The following CDH13 variants were observed in gnomAD, a reference collection of about 807,000 sequenced individuals.
CDH13 encodes cadherin 13, also known as cadherin-13.
Under a neutral mutation model 63.8 loss-of-function variants are expected in CDH13, and 24 were observed. The observed-to-expected ratio is 0.38, with a 90% CI of 0.27 to 0.53. The LOEUF is 0.53. CDH13 is among the 20% of genes least tolerant of loss of function. The pLI is 0.85. For missense variants in CDH13, 1,049 were observed against 903.1 expected (o/e 1.16, Z -2.07); for synonymous variants, 503 against 355.3 (o/e 1.42, Z -4.67).
chr16:83,554,359 A>G (rs1037086423), intron 7 of CDH13, among the ~76,000 whole-genome samples: 2 of 152,196 alleles, frequency 1.3e-5, no homozygotes, highest in Non-Finnish European at 2.9e-5. Context: ...ATAGGAAAAC[A>G]AAACATTTCA....
At chr16:82,946,642 AAC>A (rs1472052442) in intron 2 of CDH13, among the ~76,000 whole-genome samples, 89 of 152,186 alleles carry the variant, frequency 5.8e-4, no homozygotes, top group South Asian at 1.7e-3. Flanking sequence ...AATTGCTTGA[AAC>A]CAGGAGGTGG....
At chr16:83,068,291 A>T (rs74030395) in intron 3 of CDH13, among the ~76,000 whole-genome samples, 176 of 152,294 alleles carry the variant, frequency 1.2e-3, no homozygotes, top group African/African-American at 4.1e-3. Flanking sequence ...TTGCCATATA[A>T]CTTTCATCCC....
At chr16:83,382,451 C>G (rs2091586290) in intron 6 of CDH13, among the ~76,000 whole-genome samples, 1 of 152,140 alleles carries the variant, frequency 6.6e-6, no homozygotes, top group African/African-American at 2.4e-5. Flanking sequence ...TGATCCCCAG[C>G]TATTCACATT....
chr16:82,654,094 G>C (rs1269288462), intron 1 of CDH13, among the ~76,000 whole-genome samples: 2 of 152,154 alleles, frequency 1.3e-5, no homozygotes, highest in Non-Finnish European at 2.9e-5. Context: ...ATTCTCATTA[G>C]TCATTGCAAA....
intron 3 of CDH13, among the ~76,000 whole-genome samples, chr16:83,102,234 A>G (rs917903699): frequency 1.2e-4 from 19 of 152,242 alleles, no homozygotes; most frequent in Non-Finnish European, 2.4e-4. Context: ...TAGCACAGGA[A>G]GGTCTGTTTG....
At chr16:83,104,619 G>A (rs563470283) in intron 3 of CDH13, among the ~76,000 whole-genome samples, 5 of 151,908 alleles carry the variant, frequency 3.3e-5, no homozygotes, top group African/African-American at 9.7e-5. Flanking sequence ...TGTACCAGGC[G>A]GTGGCGGGGG....
At chr16:83,455,330 T>C (rs1434488756) in intron 6 of CDH13, among the ~76,000 whole-genome samples, 2 of 152,154 alleles carry the variant, frequency 1.3e-5, no homozygotes, top group Non-Finnish European at 2.9e-5. Flanking sequence ...ATTCAACCAA[T>C]GACAGCTGTT....
chr16:83,363,913 T>TG (rs761543262), intron 6 of CDH13, among the ~76,000 whole-genome samples: 4 of 152,132 alleles, frequency 2.6e-5, no homozygotes, highest in Non-Finnish European at 5.9e-5. Flanking sequence ...CTTGTGACCT[T>TG]GGGAGTGTAA....
rs768717749 is a variant in CDH13 at position 83,779,405 on chromosome 16, TC to T, written c.1682-562del. ...CCGGGCGACAGCGCGAGACTCCATC[TC>T]AAAAAAAAAAAAAAAAAAAAAAAAA... is the stretch of plus-strand genomic sequence containing the variant. On this transcript the variant is annotated intron_variant, in intron 11 of 13. Transcript: ENST00000567109. 3.2e-3 allele frequency among the ~76,000 whole-genome samples: 217 copies of T among 67,764 alleles called. 38 individuals are homozygous for T. The highest frequency in any genetic ancestry group is 8.2e-3 in the African/African-American group (130 of 15,948). The allele number at this position is 67,764 out of a possible 152,430, so 44.5% of individuals were successfully genotyped here.
At chr16:83,198,156 A>C (rs74031463) in intron 4 of CDH13, among the ~76,000 whole-genome samples, 2 of 152,134 alleles carry the variant, frequency 1.3e-5, no homozygotes, top group Non-Finnish European at 2.9e-5. Context: ...CCTAGTGAGC[A>C]TGTGTTAGTT....
chr16:83,555,217 C>A (rs915474962), intron 7 of CDH13, among the ~76,000 whole-genome samples: 1 of 152,122 alleles, frequency 6.6e-6, no homozygotes, highest in East Asian at 1.9e-4. Flanking sequence ...TTTATGGAGA[C>A]CATGGTTTGT....
chr16:83,551,498 G>GT (rs1490422490), intron 7 of CDH13, among the ~76,000 whole-genome samples: 2 of 152,188 alleles, frequency 1.3e-5, no homozygotes, highest in Non-Finnish European at 2.9e-5. Context: ...CCAGCCTTGG[G>GT]TTAACTTCAT....
At chr16:83,335,590 A>T (rs2090575329) in intron 5 of CDH13, among the ~76,000 whole-genome samples, 1 of 152,108 alleles carries the variant, frequency 6.6e-6, no homozygotes, top group Non-Finnish European at 1.5e-5. Context: ...GAAAAAGTAA[A>T]AACTAAAAGG....
chr16:82,973,918 A>G (rs1254609063), intron 2 of CDH13, among the ~76,000 whole-genome samples: 1 of 151,878 alleles, frequency 6.6e-6, no homozygotes, highest in Non-Finnish European at 1.5e-5. Context: ...CTCTCTAAGC[A>G]TTTTTGGTTT....
intron 6 of CDH13, among the ~76,000 whole-genome samples, chr16:83,484,130 G>A (rs978476425): frequency 3.9e-5 from 6 of 152,150 alleles, no homozygotes; most frequent in Non-Finnish European, 5.9e-5. Context: ...CCAGATCTTC[G>A]TTGTTTATCT....
intron 5 of CDH13, among the ~76,000 whole-genome samples, chr16:83,307,376 C>G (rs1446473684): frequency 6.6e-6 from 1 of 152,198 alleles, no homozygotes; most frequent in African/African-American, 2.4e-5. Context: ...AACCTGAGCT[C>G]CAGGCAGTGC....
intron 8 of CDH13, among the ~76,000 whole-genome samples, chr16:83,643,737 C>T (rs1253649947): frequency 6.6e-6 from 1 of 152,150 alleles, no homozygotes; most frequent in African/African-American, 2.4e-5. Context: ...TCACTCAGTC[C>T]AGGTTTCCTA....
At chr16:83,631,916 GA>G (rs1224593964) in intron 8 of CDH13, among the ~76,000 whole-genome samples, 29 of 152,218 alleles carry the variant, frequency 1.9e-4, no homozygotes, top group African/African-American at 6.8e-4. Context: ...AGACATTCAA[GA>G]AGTCTCGTTC....
intron 3 of CDH13, among the ~76,000 whole-genome samples, chr16:83,121,479 G>C (rs8056041): frequency 2.6e-5 from 4 of 152,036 alleles, no homozygotes; most frequent in Non-Finnish European, 4.4e-5. Flanking sequence ...CAGCACATTG[G>C]CCAGCATACG....
Sources: gnomAD v4.1 joint callset for allele counts (sites outside exome capture counted in the v4.1 genomes callset) on GRCh38, gnomAD v4.1.1 for gene constraint, MANE v1.5 for transcripts, NCBI Gene and HGNC (gene_info 2026-07-23, HGNC 2026-07-21) for gene names.